TTC6: variants seen among roughly 807,000 people sequenced by gnomAD.
TTC6 encodes the protein tetratricopeptide repeat protein 6.
In TTC6, 172 loss-of-function variants were observed where a neutral mutation model predicts 210.4. That is an observed-to-expected ratio of 0.82 (90% CI 0.72 to 0.93). TTC6 has a LOEUF of 0.93. TTC6 is among the 40% of genes least tolerant of loss of function. TTC6 has a pLI of 0.00. For missense variants in TTC6, 2,414 were observed against 2,318.1 expected (o/e 1.04, Z -0.85); for synonymous variants, 804 against 819.6 (o/e 0.98, Z 0.32).
intron 5 of TTC6, among the ~76,000 whole-genome samples, chr14:37,702,485 A>G (rs570109762): frequency 6.6e-6 from 1 of 152,050 alleles, no homozygotes; most frequent in East Asian, 1.9e-4. Flanking sequence ...ACCAATTTTT[A>G]CCTCCTGGGA....
intron 1 of TTC6, among the ~76,000 whole-genome samples, chr14:37,642,278 C>T (rs372513249): frequency 9.9e-5 from 15 of 152,156 alleles, no homozygotes; most frequent in African/African-American, 2.2e-4. Flanking sequence ...TTGGTAGGAG[C>T]GGTGGGTGTG....
At chr14:37,774,494 C>G (rs1209347104) in intron 14 of TTC6, among the ~76,000 whole-genome samples, 1 of 152,056 alleles carries the variant, frequency 6.6e-6, no homozygotes, top group East Asian at 1.9e-4. Context: ...TTGAGTTAAT[C>G]ATCTGGTTTT....
intron 15 of TTC6, among the ~76,000 whole-genome samples, chr14:37,787,918 TG>T (rs2096071690): frequency 2.0e-5 from 3 of 150,888 alleles, no homozygotes; most frequent in Admixed American, 2.0e-4. Flanking sequence ...TGTGTGTGTG[TG>T]TGTGTTAACT....
chr14:37,659,411 T>C (rs1299620713), intron 1 of TTC6, among the ~76,000 whole-genome samples: 1 of 152,184 alleles, frequency 6.6e-6, no homozygotes, highest in Non-Finnish European at 1.5e-5. Context: ...ACAGTGTATA[T>C]GTGTTCCTTT....
At chr14:37,630,907 G>GTTTTT (rs746429138) in intron 1 of TTC6, among the ~76,000 whole-genome samples, 3 of 33,070 alleles carry the variant, frequency 9.1e-5, no homozygotes, top group Non-Finnish European at 1.5e-4. Context: ...GGCAACCCCT[G>GTTTTT]TTTTTTTTTT....
At chr14:37,778,212 G>A (rs888662630) in intron 14 of TTC6, among the ~76,000 whole-genome samples, 9 of 152,164 alleles carry the variant, frequency 5.9e-5, no homozygotes, top group African/African-American at 1.4e-4. Flanking sequence ...CAGTGGCAGC[G>A]TTAGGGGTGA....
exon 23 of TTC6, chr14:37,807,450 A>G (rs1255833478): frequency 6.7e-7 from 1 of 1,503,364 alleles, no homozygotes; most frequent in Non-Finnish European, 8.9e-7. Flanking sequence ...GTTCTGAAAT[A>G]CTACAACAAG....
intron 10 of TTC6, among the ~76,000 whole-genome samples, chr14:37,743,551 T>A (rs112110584): frequency 0.018 from 2,714 of 152,326 alleles, 41 homozygotes; most frequent in Middle Eastern, 0.044. Context: ...GGGAATATAT[T>A]TTAACAAAGC....
At chr14:37,810,897 G>A (rs1262324334) in intron 24 of TTC6, among the ~76,000 whole-genome samples, 2 of 152,168 alleles carry the variant, frequency 1.3e-5, no homozygotes, top group Admixed American at 6.5e-5. Flanking sequence ...TGAGCTAAAT[G>A]CTTCACTGAC....
rs560963157 is a variant in TTC6, at chr14:37,751,001, A to T, written c.2957-52A>T. 1.1e-3 allele frequency: 1,346 copies of T among 1,237,412 alleles called. 26 individuals are homozygous for T. In the South Asian group the frequency reaches 0.018, roughly 17 times the overall value. 76.7% of individuals were successfully genotyped at this position (1,237,412 alleles called of 1,614,324 possible). A position where few individuals can be genotyped will look rare whatever the true frequency, so the allele number is the denominator to read the frequency against. ...GAGAGGGATTACTCTTAAAATTTTCATAGGAATGAAAGGATTATAACTCCA... is the reference window on the plus strand; with the variant it reads ...GAGAGGGATTACTCTTAAAATTTTCTTAGGAATGAAAGGATTATAACTCCA... On this transcript the variant is annotated intron_variant, in intron 12 of 30. Coordinates refer to ENST00000553443, the Ensembl canonical transcript of TTC6.
chr14:37,629,333 G>A (rs2095665499), intron 1 of TTC6, among the ~76,000 whole-genome samples: 2 of 152,084 alleles, frequency 1.3e-5, no homozygotes, highest in African/African-American at 4.8e-5. Flanking sequence ...TCCCTTCTAA[G>A]TTGTATTCCT....
Position 37,661,519 on chromosome 14 carries a change from A to G in TTC6, c.940-18632A>G, listed in dbSNP as rs1320801551. Among the ~76,000 whole-genome samples the G allele has an allele frequency of 3.9e-5, 6 of 152,116 alleles. No individual in the cohort carries two copies. The East Asian group carries it at 5.8e-4, about 15-fold the overall frequency. On this transcript the variant is annotated intron_variant, in intron 1 of 30. Transcript: ENST00000553443. ...AATTCTGAGTTCTCTATTCTGTTCC[A>G]TTGGTCTATGTGTCTGTTTTTGTAC...
At chr14:37,794,281 C>T (rs1300537573) in intron 17 of TTC6, among the ~76,000 whole-genome samples, 1 of 152,194 alleles carries the variant, frequency 6.6e-6, no homozygotes, top group Non-Finnish European at 1.5e-5. Context: ...TAATCTCAAA[C>T]TTCCTCCTTT....
intron 14 of TTC6, among the ~76,000 whole-genome samples, chr14:37,765,973 C>T (rs928129807): frequency 3.9e-5 from 6 of 152,122 alleles, no homozygotes; most frequent in African/African-American, 1.4e-4. Context: ...TTCTCTCCCA[C>T]ACCATCCCCC....
intron 14 of TTC6, 101 bp downstream of exon 16, chr14:37,753,336 A>G (rs2095958152): frequency 9.7e-7 from 1 of 1,028,258 alleles, no homozygotes; most frequent in East Asian, 2.7e-5. Context: ...GCTCTTTAAA[A>G]ACAATGAATC....
intron 2 of TTC6, among the ~76,000 whole-genome samples, chr14:37,612,416 T>C (rs1217186303): frequency 6.6e-6 from 1 of 152,268 alleles, no homozygotes; most frequent in East Asian, 1.9e-4. Flanking sequence ...TAATAGGTTT[T>C]GAAATTGGAT....
intron 5 of TTC6, among the ~76,000 whole-genome samples, chr14:37,709,289 T>G (rs2095840645): frequency 6.6e-6 from 1 of 152,100 alleles, no homozygotes; most frequent in Admixed American, 6.6e-5. Flanking sequence ...AGCCTAAGCC[T>G]CTCATATTAT....
At chr14:37,722,778 C>G (rs1452031446) in intron 6 of TTC6, among the ~76,000 whole-genome samples, 1 of 152,172 alleles carries the variant, frequency 6.6e-6, no homozygotes, top group Non-Finnish European at 1.5e-5. Flanking sequence ...GATCACCTGG[C>G]TAGGTAGTGT....
At chr14:37,710,491 CTG>C (rs1432205793) in intron 5 of TTC6, among the ~76,000 whole-genome samples, 1 of 152,150 alleles carries the variant, frequency 6.6e-6, no homozygotes, top group Admixed American at 6.6e-5. Flanking sequence ...AACTTTCACT[CTG>C]AGAGAGGTGG....
Sources: allele counts gnomAD v4.1 joint callset (sites outside exome capture counted in the v4.1 genomes callset), GRCh38; gene constraint gnomAD v4.1.1; transcripts MANE v1.5; gene names NCBI Gene and HGNC (gene_info 2026-07-23, HGNC 2026-07-21).